Variants in ZBTB25 observed in about 807,000 individuals in gnomAD.
ZBTB25 encodes the protein zinc finger and BTB domain-containing protein 25.
Under a neutral mutation model 34.2 loss-of-function variants are expected in ZBTB25, and 20 were observed. The observed-to-expected ratio is 0.58, with a 90% confidence interval of 0.41 to 0.85. The LOEUF (loss-of-function observed/expected upper bound fraction) is 0.85, where lower values mean the gene tolerates loss of function less well. Among genes scored for constraint, ZBTB25 ranks in the 40% least tolerant of loss-of-function variants. The probability of loss-of-function intolerance (pLI) is 0.00; values close to 1 mark genes in which losing one functional copy is unlikely to be tolerated. For synonymous variants in ZBTB25, 175 were observed against 186.4 expected (o/e 0.94, Z 0.50); for missense variants, 437 against 521.8 (o/e 0.84, Z 1.58).
intron 2 of ZBTB25, chr14:64,469,270 A>C (rs2078642830): frequency 1.2e-6 from 2 of 1,613,602 alleles, no homozygotes; most frequent in Non-Finnish European, 1.7e-6. Context: ...CAAATGGAAA[A>C]GACTATGAAA....
chr14:64,468,649 T>G (rs757031439), intron 2 of ZBTB25: 2 of 1,613,918 alleles, frequency 1.2e-6, no homozygotes, highest in East Asian at 4.5e-5. Flanking sequence ...TCAAACGTCT[T>G]GTAACACGCA....
At chr14:64,453,927 G>C in intron 2 of ZBTB25, 1 of 994,046 alleles carries the variant, frequency 1.0e-6, no homozygotes, top group Non-Finnish European at 1.6e-6. Flanking sequence ...ACAATCTCTG[G>C]GTCCTCCCAG....
At position 64,486,184 on chromosome 14, in the gene ZBTB25, C is replaced by A. The variant is rs1294800521; in HGVS notation, c.*739G>T. 2.8e-6 allele frequency: 2 copies of A among 725,552 alleles called. No homozygotes were observed. The highest frequency in any genetic ancestry group is 3.4e-6 in the Non-Finnish European group (2 of 593,988). The allele number at this position is 725,552 out of a possible 1,614,324, so 44.9% of individuals were successfully genotyped here. On this transcript the variant is annotated 3_prime_UTR_variant, in exon 3 of 3. Transcript: ENST00000608382. Reference sequence around the variant, plus strand: ...GGGCGTGGTGGCGGGCGCCTGTAGTCCCAGCTGCTCAGGAGGCTGAGGCAG... The same window carrying A: ...GGGCGTGGTGGCGGGCGCCTGTAGTACCAGCTGCTCAGGAGGCTGAGGCAG...
At position 64,483,939 on chromosome 14, in the gene ZBTB25, TCAAAAAAAAAA is replaced by T. The variant is rs1314258154; in HGVS notation, c.*2973_*2983del. On this transcript the variant is annotated 3_prime_UTR_variant, in exon 3 of 3. Transcript: ENST00000608382. ...AGCCTGGCGACACAGCACGACTGTC[TCAAAAAAAAAA>T]AAAAAAAAAAAAAAAAAAGCCTGCA... The T allele has an allele frequency of 3.8e-5, 1 of 26,266 alleles. No homozygotes were observed. Among genetic ancestry groups the T allele is most frequent in the African/African-American group, 3.1e-4 (1 of 3,182 alleles). The allele number at this position is 26,266 out of a possible 1,614,324, so 1.6% of individuals were successfully genotyped here.
chr14:64,497,432 G>C (rs1477296372), intron 1 of ZBTB25, among the ~76,000 whole-genome samples: 2 of 152,142 alleles, frequency 1.3e-5, no homozygotes, highest in East Asian at 3.8e-4. Context: ...AAAGAGCTTA[G>C]AAGTTACATT....
chr14:64,458,692 A>T (rs2078514716), intron 2 of ZBTB25: 1 of 282,988 alleles, frequency 3.5e-6, no homozygotes, highest in Non-Finnish European at 6.8e-6. Flanking sequence ...TATACTCTGA[A>T]TAGGTAGTTA....
At chr14:64,461,502 G>A (rs535133534) in intron 2 of ZBTB25, 1 of 150,570 alleles carries the variant, frequency 6.6e-6, no homozygotes, top group Non-Finnish European at 1.5e-5. Flanking sequence ...GTAAGCACTT[G>A]TCAGTTCCTG....
intron 1 of ZBTB25, among the ~76,000 whole-genome samples, chr14:64,496,558 T>C (rs1472019749): frequency 1.3e-5 from 2 of 152,222 alleles, no homozygotes; most frequent in Non-Finnish European, 2.9e-5. Flanking sequence ...ATATTTACTA[T>C]ATTCAAAATT....
At chr14:64,500,625 T>C (rs1257456839) in intron 1 of ZBTB25, among the ~76,000 whole-genome samples, 1 of 151,966 alleles carries the variant, frequency 6.6e-6, no homozygotes, top group Non-Finnish European at 1.5e-5. Context: ...GGTGAAACCG[T>C]CTCTACTAAA....
chr14:64,476,847 C>A (rs2078724961), downstream of ZBTB25, among the ~76,000 whole-genome samples: 1 of 152,108 alleles, frequency 6.6e-6, no homozygotes, highest in Non-Finnish European at 1.5e-5. Flanking sequence ...CTTTAAAAAA[C>A]CCTCAGTATC....
intron 2 of ZBTB25, chr14:64,453,837 C>T (rs1025008407): frequency 3.1e-6 from 5 of 1,609,574 alleles, no homozygotes; most frequent in Non-Finnish European, 4.3e-6. Context: ...AAGCTCAACA[C>T]AAAGCTGAAG....
upstream of ZBTB25, chr14:64,503,995 C>G: frequency 6.6e-6 from 1 of 152,278 alleles, no homozygotes; most frequent in East Asian, 1.9e-4. Flanking sequence ...TAGGGACAAG[C>G]CTGAGCGTCA....
At chr14:64,505,108 C>T, upstream of ZBTB25, 1 of 350,028 alleles carries the variant, frequency 2.9e-6, no homozygotes, top group Non-Finnish European at 5.1e-6. Context: ...GGGCGGCTGC[C>T]AGGCCGCCTG....
intron 2 of ZBTB25, among the ~76,000 whole-genome samples, chr14:64,450,733 G>A (rs1322514204): frequency 6.6e-6 from 1 of 151,920 alleles, no homozygotes; most frequent in Non-Finnish European, 1.5e-5. Context: ...TTTAAGACAG[G>A]GTCTTGCTCT....
At chr14:64,490,145 T>C (rs889913272) in intron 2 of ZBTB25, among the ~76,000 whole-genome samples, 3 of 131,432 alleles carry the variant, frequency 2.3e-5, no homozygotes, top group Admixed American at 8.4e-5. Flanking sequence ...GAGGCAGAGG[T>C]TGCAGTGAGC....
In ZBTB25 at chr14:64,480,625, A is replaced by T. The variant is rs2078775724; in HGVS notation, c.*6298T>A. ...TAAGCTAATAAACTTGTTTTTGATT[A>T]AGTCACATTAATTTGTCTTGATAAA... On this transcript the variant is annotated 3_prime_UTR_variant, in exon 3 of 3. Transcript: ENST00000608382. 1 of 159,522 alleles carries T rather than the reference A, an allele frequency of 6.3e-6. No individual in the cohort carries two copies. 9.9% of individuals were successfully genotyped at this position (159,522 alleles called of 1,614,324 possible).
At chr14:64,489,927 G>T (rs28738919) in intron 2 of ZBTB25, among the ~76,000 whole-genome samples, 34,660 of 150,756 alleles carry the variant, frequency 0.23, 4,620 homozygotes, top group Non-Finnish European at 0.31. Flanking sequence ...TTATAATTTG[G>T]CCAGGCATGG....
chr14:64,465,847 G>T (rs934955369), intron 2 of ZBTB25, among the ~76,000 whole-genome samples: 31 of 152,232 alleles, frequency 2.0e-4, no homozygotes, highest in Non-Finnish European at 4.3e-4. Flanking sequence ...TTAGAAGCAT[G>T]GGTTGCCGGT....
At position 64,487,500 on chromosome 14, in the gene ZBTB25, C is replaced by T. The variant is rs1218878835; in HGVS notation, c.731G>A (p.Gly244Glu). 2.5e-6 allele frequency: 4 copies of T among 1,614,110 alleles called. No individual in the cohort carries two copies. The change falls in exon 3 of 3, where the codon GGG becomes GAG. Residue 244 changes from glycine (G) to glutamate (E), a missense_variant. Coordinates refer to ENST00000608382, the MANE Select transcript of ZBTB25 (RefSeq NM_006977.5). ...SVKIHLCHYC[G>E]ERFDSRSNLR... ...GTTACTACGGGAATCAAAACGTTCCCCACAGTAATGGCATAAGTGTATTTT... is the reference window on the plus strand; with the variant it reads ...GTTACTACGGGAATCAAAACGTTCCTCACAGTAATGGCATAAGTGTATTTT...
Sources: gnomAD v4.1 joint callset for allele counts (sites outside exome capture counted in the v4.1 genomes callset) on GRCh38, gnomAD v4.1.1 for gene constraint, MANE v1.5 for transcripts, NCBI Gene and HGNC (gene_info 2026-07-23, HGNC 2026-07-21) for gene names.